The following JMJD1C variants were observed in gnomAD, a reference collection of about 807,000 sequenced individuals.
The protein encoded by JMJD1C is jumonji domain-containing protein 1C.
In JMJD1C, 31 loss-of-function variants were observed where a neutral mutation model predicts 245.3. The observed-to-expected ratio is 0.13, with a 90% CI of 0.09 to 0.17. The LOEUF is 0.17. Among genes scored for constraint, JMJD1C ranks in the 10% least tolerant of loss-of-function variants. The pLI is 1.00. For synonymous variants in JMJD1C, 1,057 were observed against 1,017.4 expected (o/e 1.04, Z -0.74); for missense variants, 2,691 against 3,000.2 (o/e 0.90, Z 2.41).
intron 3 of JMJD1C, among the ~76,000 whole-genome samples, chr10:63,229,466 A>G (rs1849707015): frequency 1.3e-5 from 2 of 152,168 alleles, no homozygotes; most frequent in Non-Finnish European, 2.9e-5. Context: ...AAATAGGACA[A>G]CAATTTATAC....
intron 2 of JMJD1C, among the ~76,000 whole-genome samples, chr10:63,298,801 C>T (rs1589419076): frequency 1.3e-5 from 2 of 152,230 alleles, no homozygotes; most frequent in Admixed American, 1.3e-4. Context: ...GGTACAACCT[C>T]GGCTCACCGC....
intron 1 of JMJD1C, among the ~76,000 whole-genome samples, chr10:63,503,273 G>A (rs570888626): frequency 6.6e-6 from 1 of 152,110 alleles, no homozygotes; most frequent in Admixed American, 6.6e-5. Flanking sequence ...AGGGGTTTTT[G>A]GGGGGGCTTT....
In JMJD1C at chr10:63,410,366, T is replaced by C. The variant is rs75064327; in HGVS notation, c.169-29884A>G. 2.7e-3 allele frequency among the ~76,000 whole-genome samples: 405 copies of C among 152,332 alleles called. 4 individuals are homozygous for C. The highest frequency in any genetic ancestry group is 9.1e-3 in the African/African-American group (377 of 41,568). ...TTTGTGATCTCTACTTAGTCTAACA[T>C]GATCTACTATTTCTAAAGTTAACAA... On this transcript the variant is annotated intron_variant, in intron 1 of 25. Coordinates refer to ENST00000399262, the MANE Select transcript of JMJD1C (RefSeq NM_032776.3).
At chr10:63,172,573 TGG>T (rs1199621677) in intron 24 of JMJD1C, among the ~76,000 whole-genome samples, 1 of 151,424 alleles carries the variant, frequency 6.6e-6, no homozygotes, top group Non-Finnish European at 1.5e-5. Flanking sequence ...TACGTTCCAG[TGG>T]GGGTTAAAAG....
chr10:63,245,784 G>A (rs968152745), intron 3 of JMJD1C, among the ~76,000 whole-genome samples: 4 of 152,020 alleles, frequency 2.6e-5, no homozygotes, highest in Non-Finnish European at 4.4e-5. Context: ...GCCCGGCCGG[G>A]AACTCCTCTC....
intron 20 of JMJD1C, among the ~76,000 whole-genome samples, chr10:63,185,051 A>C (rs933012507): frequency 2.6e-5 from 4 of 150,992 alleles, no homozygotes; most frequent in Non-Finnish European, 5.9e-5. Flanking sequence ...CACCGTGCCC[A>C]GCCTCTTTAA....
intron 2 of JMJD1C, among the ~76,000 whole-genome samples, chr10:63,277,399 TAA>T: frequency 6.6e-6 from 1 of 152,172 alleles, no homozygotes; most frequent in East Asian, 1.9e-4. Context: ...TTATGCAGAC[TAA>T]AGTCTCTCAG....
chr10:63,469,407 T>G (rs1337074129), upstream of JMJD1C, among the ~76,000 whole-genome samples: 2 of 152,214 alleles, frequency 1.3e-5, no homozygotes, highest in African/African-American at 4.8e-5. Context: ...GATCTTGTGA[T>G]AACAAAGGCT....
chr10:63,214,100 A>T lies in JMJD1C; in HGVS notation c.2067T>A (p.Ile689=), dbSNP rs778928902. The change falls in exon 8 of 26, where the codon ATT becomes ATA. Residue 689 remains isoleucine, a synonymous_variant. Coordinates refer to ENST00000399262, the MANE Select transcript of JMJD1C (RefSeq NM_032776.3). Reference sequence around the variant, plus strand: ...TTTCTAATGTACTGCTTCGAGTAGGAATTGGATGAAAACTGCATCTTGATA... The same window carrying T: ...TTTCTAATGTACTGCTTCGAGTAGGTATTGGATGAAAACTGCATCTTGATA... The part of the protein sequence containing the change: ...HELSRCSFHP[I]PTRSSTLETT... 1 of 1,614,214 alleles carries T rather than the reference A, an allele frequency of 6.2e-7. No homozygotes were observed. The highest frequency in any genetic ancestry group is 8.5e-7 in the Non-Finnish European group (1 of 1,180,018).
chr10:63,309,916 CAAA>C (rs543353248), intron 2 of JMJD1C, among the ~76,000 whole-genome samples: 2 of 145,942 alleles, frequency 1.4e-5, no homozygotes, highest in African/African-American at 2.5e-5. Context: ...GATTTCGTCT[CAAA>C]AAAAAAAGAT....
chr10:63,207,331 T>C lies in JMJD1C; in HGVS notation c.4338A>G (p.Gln1446=), dbSNP rs768544251. 6.2e-7 allele frequency: 1 copy of C among 1,613,732 alleles called. No individual in the cohort carries two copies. Among genetic ancestry groups the C allele is most frequent in the Non-Finnish European group, 8.5e-7 (1 of 1,179,996 alleles). Residue 1446 remains glutamine, a synonymous_variant, in exon 10 of 26, where the codon CAA becomes CAG. Coordinates refer to ENST00000399262, the MANE Select transcript of JMJD1C (RefSeq NM_032776.3). ...KSVSQPVAQK[Q]ECKVSTTAPV... is the part of the protein sequence containing the mutation. ...GTGCTGTGGTGCTGACCTTGCATTC[T>C]TGTTTTTGAGCCACTGGCTGACTGA...
At chr10:63,305,305 C>T (rs934783250) in intron 2 of JMJD1C, among the ~76,000 whole-genome samples, 5 of 149,066 alleles carry the variant, frequency 3.4e-5, no homozygotes, top group African/African-American at 1.2e-4. Context: ...AAGGCAGAGG[C>T]TGCAGTGAGC....
At chr10:63,446,935 T>C (rs190970239) in intron 1 of JMJD1C, among the ~76,000 whole-genome samples, 5 of 152,256 alleles carry the variant, frequency 3.3e-5, no homozygotes, top group East Asian at 1.9e-4. Flanking sequence ...CCTTACAAAC[T>C]AGAGATTCCA....
chr10:63,459,561 AAATT>A (rs1385029802), intron 1 of JMJD1C, among the ~76,000 whole-genome samples: 14 of 152,362 alleles, frequency 9.2e-5, no homozygotes, highest in Admixed American at 4.6e-4. Context: ...ACATTAAAAC[AAATT>A]AATTTTTACA....
intron 2 of JMJD1C, among the ~76,000 whole-genome samples, chr10:63,341,170 TACTC>T (rs1261585509): frequency 6.6e-6 from 1 of 152,148 alleles, no homozygotes; most frequent in Non-Finnish European, 1.5e-5. Context: ...GAACTATAAA[TACTC>T]AATAGGTGGG....
At chr10:63,363,022 A>G (rs915476568) in intron 2 of JMJD1C, among the ~76,000 whole-genome samples, 10 of 151,646 alleles carry the variant, frequency 6.6e-5, no homozygotes, top group African/African-American at 2.4e-4. Flanking sequence ...TTCAGGGGGG[A>G]CGTAACTGGT....
At chr10:63,452,814 C>T (rs1335068044) in intron 1 of JMJD1C, among the ~76,000 whole-genome samples, 1 of 152,040 alleles carries the variant, frequency 6.6e-6, no homozygotes, top group Non-Finnish European at 1.5e-5. Context: ...ATAAGCCAGA[C>T]ACAAAAGTAC....
At chr10:63,197,062 G>A (rs950354791) in intron 13 of JMJD1C, among the ~76,000 whole-genome samples, 1 of 151,912 alleles carries the variant, frequency 6.6e-6, no homozygotes, top group Admixed American at 6.6e-5. Context: ...GCCAGCCTTG[G>A]CCTCCCAAAG....
At chr10:63,336,617 T>C (rs1942761785) in intron 2 of JMJD1C, among the ~76,000 whole-genome samples, 1 of 152,068 alleles carries the variant, frequency 6.6e-6, no homozygotes, top group African/African-American at 2.4e-5. Context: ...ATAGTTAATC[T>C]AAAAAACAAA....
Sources: allele counts gnomAD v4.1 joint callset (sites outside exome capture counted in the v4.1 genomes callset), GRCh38; gene constraint gnomAD v4.1.1; transcripts MANE v1.5; gene names NCBI Gene and HGNC (gene_info 2026-07-23, HGNC 2026-07-21).